The following FARS2 variants were observed in gnomAD, a reference collection of about 807,000 sequenced individuals.
The protein encoded by FARS2 is phenylalanyl-tRNA synthetase 2, mitochondrial.
Under a neutral mutation model 46.4 loss-of-function variants are expected in FARS2, and 40 were observed. That is an observed-to-expected ratio of 0.86 (90% CI 0.67 to 1.12). FARS2 has a LOEUF of 1.12. FARS2 is among the 50% of genes most tolerant of loss of function. FARS2 has a pLI of 0.00. For missense variants in FARS2, 513 were observed against 567.9 expected, an observed-to-expected ratio of 0.90 and a Z score of 0.98; for synonymous variants, 234 against 214.9, an observed-to-expected ratio of 1.09 and a Z score of -0.78.
In FARS2 at chr6:5,343,031, A is replaced by G. The variant is rs1278984624; in HGVS notation, c.-21-25519A>G. Among the ~76,000 whole-genome samples the G allele has an allele frequency of 6.6e-6, 1 of 152,190 alleles. No homozygotes were observed. Among genetic ancestry groups the G allele is most frequent in the Non-Finnish European group, 1.5e-5 (1 of 68,036 alleles). On this transcript the variant is annotated intron_variant, in intron 1 of 6. Coordinates refer to ENST00000274680, the MANE Select transcript of FARS2 (RefSeq NM_006567.5). This position sits in a 1 kb window ranked among gnomAD's most constrained non-coding sequence, Gnocchi z 4.5. Reference sequence around the variant, plus strand: ...GGCAGCTAGTGCCTTACAAGAAAACAGACAAAACCTCATTAAAATCTACAT... The same window carrying G: ...GGCAGCTAGTGCCTTACAAGAAAACGGACAAAACCTCATTAAAATCTACAT...
At chr6:5,742,657 C>T (rs911472758) in intron 6 of FARS2, among the ~76,000 whole-genome samples, 4 of 151,810 alleles carry the variant, frequency 2.6e-5, no homozygotes, top group South Asian at 2.1e-4. Flanking sequence ...CCCACCACCC[C>T]GCCACTTCCA....
At chr6:5,341,206 TATATATA>T (rs1771555471) in intron 1 of FARS2, among the ~76,000 whole-genome samples, 1 of 8,016 alleles carries the variant, frequency 1.2e-4, no homozygotes, top group Non-Finnish European at 2.7e-4. Flanking sequence ...TATATATATA[TATATATA>T]TATATATATA....
intron 1 of FARS2, among the ~76,000 whole-genome samples, chr6:5,329,409 GT>G (rs1202770889): frequency 8.5e-5 from 13 of 152,090 alleles, no homozygotes; most frequent in African/African-American, 2.9e-4. Flanking sequence ...CTTTCAACCT[GT>G]TTTTTTGTTT....
chr6:5,256,069 G>T (rs1429414828), upstream of FARS2, among the ~76,000 whole-genome samples: 10 of 151,852 alleles, frequency 6.6e-5, no homozygotes, highest in Admixed American at 6.6e-4. Context: ...TGGCCCAAAA[G>T]GTTGGTCATG....
At chr6:5,339,834 T>C (rs1409461904) in intron 1 of FARS2, among the ~76,000 whole-genome samples, 1 of 152,216 alleles carries the variant, frequency 6.6e-6, no homozygotes, top group Non-Finnish European at 1.5e-5. Flanking sequence ...GCTGTTATTA[T>C]AATCTTACAT....
chr6:5,341,391 C>G (rs1194479055), intron 1 of FARS2, among the ~76,000 whole-genome samples: 2 of 149,534 alleles, frequency 1.3e-5, no homozygotes, highest in African/African-American at 4.9e-5. Flanking sequence ...AAAACATCAA[C>G]AGGCCCCTAA....
At chr6:5,277,708 A>T (rs550705150) in intron 1 of FARS2, among the ~76,000 whole-genome samples, 1 of 152,242 alleles carries the variant, frequency 6.6e-6, no homozygotes, top group East Asian at 1.9e-4. Flanking sequence ...AAGATTTGAA[A>T]GATATTTTGG....
At position 5,545,274 on chromosome 6, in the gene FARS2, G is replaced by A. The variant is rs753467517; in HGVS notation, c.999G>A (p.Trp333Ter). 9.9e-6 allele frequency: 16 copies of A among 1,614,080 alleles called. No individual in the cohort carries two copies. Among genetic ancestry groups the A allele is most frequent in the Non-Finnish European group, 1.4e-5 (16 of 1,179,946 alleles). Residue 333 changes from tryptophan (W) to a stop codon, truncating the protein, a stop_gained, in exon 5 of 7, where the codon TGG (tryptophan) becomes TGA (stop). Coordinates refer to ENST00000274680, the MANE Select transcript of FARS2 (RefSeq NM_006567.5). LOFTEE classifies it high-confidence loss of function. Reference protein sequence around the residue: ...LYDIPDIRLFWCEDERFLKQF... With the variant: ...LYDIPDIRLF ...ACATCCCTGATATCCGTCTCTTCTGGTGTGAGGACGAGCGCTTCCTGAAGC... is the reference window on the plus strand; with the variant it reads ...ACATCCCTGATATCCGTCTCTTCTGATGTGAGGACGAGCGCTTCCTGAAGC...
chr6:5,254,819 C>T, the FARS2 span, among the ~76,000 whole-genome samples: 121 of 152,266 alleles, frequency 7.9e-4, 1 homozygote, highest in South Asian at 8.9e-3. Context: ...TCTCAGGTAC[C>T]ACTTTTCACC....
chr6:5,737,971 G>A (rs1483977066), intron 6 of FARS2, among the ~76,000 whole-genome samples: 1 of 152,156 alleles, frequency 6.6e-6, no homozygotes, highest in Non-Finnish European at 1.5e-5. Context: ...GTTGTTTAGA[G>A]ACCACATCTT....
chr6:5,602,236 G>A (rs573372585), intron 5 of FARS2, among the ~76,000 whole-genome samples: 3 of 152,310 alleles, frequency 2.0e-5, no homozygotes, highest in South Asian at 4.1e-4. Context: ...TAAGGGTGCT[G>A]CAGTACTGGG....
chr6:5,255,475 A>G, the FARS2 span, among the ~76,000 whole-genome samples: 1 of 149,596 alleles, frequency 6.7e-6, no homozygotes, highest in Middle Eastern at 3.4e-3. Flanking sequence ...GGATTTAGTC[A>G]CTTTAAAATA....
At chr6:5,392,373 C>A (rs2432792) in intron 2 of FARS2, among the ~76,000 whole-genome samples, 6 of 151,882 alleles carry the variant, frequency 4.0e-5, no homozygotes, top group Non-Finnish European at 8.8e-5. Flanking sequence ...GAAAACTTTA[C>A]TGTGTTTTAC....
intron 1 of FARS2, among the ~76,000 whole-genome samples, chr6:5,321,857 T>C (rs1223718544): frequency 6.6e-6 from 1 of 152,242 alleles, no homozygotes; most frequent in Non-Finnish European, 1.5e-5. Flanking sequence ...AACTAGATAC[T>C]TGATCACCTG....
At chr6:5,709,074 G>A (rs1405331514) in intron 6 of FARS2, among the ~76,000 whole-genome samples, 1 of 152,176 alleles carries the variant, frequency 6.6e-6, no homozygotes, top group African/African-American at 2.4e-5. Context: ...TCTGAAACAA[G>A]GAGTTCCACG....
intron 4 of FARS2, among the ~76,000 whole-genome samples, chr6:5,448,112 G>C (rs892529906): frequency 2.6e-5 from 4 of 152,128 alleles, no homozygotes; most frequent in Non-Finnish European, 5.9e-5. Flanking sequence ...GGGTAGCCTA[G>C]GGGACAGTGA....
At chr6:5,753,624 TCTG>T (rs1762062870) in intron 6 of FARS2, among the ~76,000 whole-genome samples, 1 of 152,240 alleles carries the variant, frequency 6.6e-6, no homozygotes, top group African/African-American at 2.4e-5. Context: ...CTTTGTCCTA[TCTG>T]TTGAAAAGGG....
At chr6:5,354,516 CTTT>C (rs529291216) in intron 1 of FARS2, among the ~76,000 whole-genome samples, 9 of 139,952 alleles carry the variant, frequency 6.4e-5, no homozygotes, top group Admixed American at 7.2e-5. Flanking sequence ...TAGTGGTTTC[CTTT>C]TTTTTTTTTT....
At chr6:5,540,782 C>G (rs886767165) in intron 4 of FARS2, among the ~76,000 whole-genome samples, 4 of 152,154 alleles carry the variant, frequency 2.6e-5, no homozygotes, top group African/African-American at 9.7e-5. Flanking sequence ...TGAAGGTAAA[C>G]TTAATGCTTC....
Sources: allele counts gnomAD v4.1 joint callset (sites outside exome capture counted in the v4.1 genomes callset), GRCh38; gene constraint gnomAD v4.1.1; non-coding constraint Gnocchi (gnomAD v3.1); transcripts MANE v1.5; gene names NCBI Gene and HGNC (gene_info 2026-07-23, HGNC 2026-07-21).